The following SMG8 variants were observed in gnomAD, a reference collection of about 807,000 sequenced individuals.
The protein encoded by SMG8 is nonsense-mediated mRNA decay factor SMG8.
SMG8 carries 49 observed loss-of-function variants against 82.1 expected under a neutral mutation model. The observed-to-expected ratio is 0.60, with a 90% CI of 0.47 to 0.76. The LOEUF (loss-of-function observed/expected upper bound fraction) is 0.76. Ranked by LOEUF, SMG8 falls within the 30% of genes least tolerant of loss-of-function variation. SMG8 has a pLI of 0.00. For synonymous variants in SMG8, 404 were observed against 430.0 expected (o/e 0.94, Z 0.75); for missense variants, 969 against 1,166.4 (o/e 0.83, Z 2.46).
Position 59,214,898 on chromosome 17 carries a change from T to C in SMG8, c.2872T>C (p.Tyr958His). The change falls in exon 4 of 4, where the codon TAT becomes CAT. Residue 958 changes from tyrosine (Y) to histidine (H), a missense_variant. Physicochemically the swap from Tyr to His is moderately conservative, Grantham distance 83. Around this residue, in one of 3 missense-constraint regions of SMG8, gnomAD observed 101 missense variants for 91.1 expected, o/e 1.11. Transcript: ENST00000300917. ...PDGLWVLRFP[Y>H]AYVTERGPCF... ...TGGCCTTTGGGTTTTGAGATTTCCT[T>C]ATGCATATGTGACTGAGAGAGGACC... The C allele has an allele frequency of 2.3e-6, 2 of 872,980 alleles. No homozygotes were observed. Among genetic ancestry groups the C allele is most frequent in the East Asian group, 2.4e-5 (1 of 41,712 alleles). The allele number at this position is 872,980 out of a possible 1,614,324, so 54.1% of individuals were successfully genotyped here.
intron 3 of SMG8, 73 bp downstream of exon 3, chr17:59,213,674 G>A: frequency 6.7e-7 from 1 of 1,502,130 alleles, no homozygotes; most frequent in Non-Finnish European, 8.9e-7. Flanking sequence ...ATTTTAAAAA[G>A]TACAAGTTAG....
chr17:59,210,645 C>T lies in SMG8; in HGVS notation c.594C>T (p.Leu198=), dbSNP rs748510282. 1 of 1,613,620 alleles carries T rather than the reference C, an allele frequency of 6.2e-7. No homozygotes were observed. Among genetic ancestry groups the T allele is most frequent in the Non-Finnish European group, 8.5e-7 (1 of 1,179,800 alleles). The change falls in exon 1 of 4, where the codon CTC becomes CTT. Residue 198 remains leucine (L), a synonymous_variant. Coordinates refer to ENST00000300917, the MANE Select transcript of SMG8 (RefSeq NM_018149.7). ...AGCATCAAGAGAAGCTGCAGTGCCT[C>T]AGTCTCCTTTACCTATTCTCTGTCT... ...FWKHQEKLQC[L]SLLYLFSVCH...
chr17:59,211,036 G>A lies in SMG8; in HGVS notation c.985G>A (p.Val329Met). ...TCAGAGCATCAACTGCCTCTTTACT[G>A]TGCCTGCCAACCAAGCTTTCGTGTA... ...TNQSINCLFTVPANQAFVYIV... is the reference protein window; with the variant it reads ...TNQSINCLFTMPANQAFVYIV... The change falls in exon 1 of 4, where the codon GTG becomes ATG. Residue 329 changes from valine (V) to methionine (M), a missense_variant. Transcript: ENST00000300917. The A allele has an allele frequency of 6.2e-7, 1 of 1,614,196 alleles. No homozygotes were observed. Among genetic ancestry groups the A allele is most frequent in the Non-Finnish European group, 8.5e-7 (1 of 1,180,042 alleles).
Position 59,210,144 on chromosome 17 carries a change from A to G in SMG8, c.93A>G (p.Gly31=). The stretch of plus-strand genomic sequence containing the variant: ...CCGGAGGGTCCCCTACTGAGGGCGG[A>G]GGGAGCGCGGCTGGCGGACCGGAGC... ...ESPGGSPTEG[G]GSAAGGPEPP... is the part of the protein sequence containing the mutation. The change falls in exon 1 of 4, where the codon GGA becomes GGG. Residue 31 remains glycine (G), a synonymous_variant. Transcript: ENST00000300917. The G allele has an allele frequency of 6.3e-7, 1 of 1,588,108 alleles. No homozygotes were observed. Among genetic ancestry groups the G allele is most frequent in the Non-Finnish European group, 8.6e-7 (1 of 1,168,038 alleles).
chr17:59,212,521 C>CT (rs1292332992), intron 2 of SMG8, 35 bp downstream of exon 2: 9 of 1,578,338 alleles, frequency 5.7e-6, no homozygotes, highest in Non-Finnish European at 6.0e-6. Context: ...CCTCTTCTGT[C>CT]TTTTTTTGTT....
At chr17:59,211,892 T>A in intron 1 of SMG8, 82 bp downstream of exon 1, 1 of 1,244,688 alleles carries the variant, frequency 8.0e-7, no homozygotes, top group Non-Finnish European at 1.1e-6. Context: ...CTGTTCACTA[T>A]GTATTGATAT....
rs1398957121 is a variant in SMG8 at position 59,211,385 on chromosome 17, A to G, written c.1334A>G (p.Tyr445Cys). The G allele has an allele frequency of 6.2e-7, 1 of 1,614,230 alleles. No homozygotes were observed. Among genetic ancestry groups the G allele is most frequent in the Non-Finnish European group, 8.5e-7 (1 of 1,180,038 alleles). ...CCTTCCCATTTTGAACTTCCTACTT[A>G]TCAGAAGTGGATCTCAGCAGCTTCA... Reference protein sequence around the residue: ...PQPSHFELPTYQKWISAASKL... With the variant: ...PQPSHFELPTCQKWISAASKL... Residue 445 changes from tyrosine to cysteine, a missense_variant, in exon 1 of 4, where the codon TAT becomes TGT. Physicochemically the swap from Tyr to Cys is radical, Grantham distance 194 (BLOSUM62 -2). Coordinates refer to ENST00000300917, the MANE Select transcript of SMG8 (RefSeq NM_018149.7).
rs1203735912 is a variant in SMG8, at chr17:59,214,866, C to G, written c.2840C>G (p.Pro947Arg). Reference protein sequence around the residue: ...FYPEKQEITLPPDGLWVLRFP... With the variant: ...FYPEKQEITLRPDGLWVLRFP... The stretch of plus-strand genomic sequence containing the variant: ...CCAGAAAAACAAGAAATCACCCTTC[C>G]ACCTGATGGCCTTTGGGTTTTGAGA... Residue 947 changes from proline (P) to arginine (R), a missense_variant, in exon 4 of 4, where the codon CCA becomes CGA. By Grantham distance (103) the Pro-to-Arg change is moderately radical. Transcript: ENST00000300917. 6 of 872,988 alleles carry G rather than the reference C, an allele frequency of 6.9e-6. No homozygotes were observed. 54.1% of individuals were successfully genotyped at this position (872,988 alleles called of 1,614,324 possible). A position where few individuals can be genotyped will look rare whatever the true frequency, so the allele number is the denominator to read the frequency against.
Position 59,210,098 on chromosome 17 carries a change from C to G in SMG8, c.47C>G (p.Ala16Gly). The G allele has an allele frequency of 6.3e-7, 1 of 1,583,720 alleles. No individual in the cohort carries two copies. The highest frequency in any genetic ancestry group is 1.7e-4 in the Middle Eastern group (1 of 5,876). Reference sequence around the variant, plus strand: ...CGAGACCTTCTAATGGGAGCATCAGCCTGGATGGGCTCTGAAAGTCCCGGA... The same window carrying G: ...CGAGACCTTCTAATGGGAGCATCAGGCTGGATGGGCTCTGAAAGTCCCGGA... ...SLRDLLMGASAWMGSESPGGS... is the reference protein window; with the variant it reads ...SLRDLLMGASGWMGSESPGGS... The change falls in exon 1 of 4, where the codon GCC (alanine) becomes GGC (glycine). Residue 16 changes from alanine to glycine, a missense_variant. Physicochemically the swap from Ala to Gly is moderately conservative, Grantham distance 60 (BLOSUM62 0). This residue lies in a region of SMG8 where 206 missense variants were observed against 190.5 expected (regional missense o/e 1.08). Coordinates refer to ENST00000300917, the MANE Select transcript of SMG8 (RefSeq NM_018149.7).
chr17:59,214,789 T>G lies in SMG8; in HGVS notation c.2779-16T>G, dbSNP rs1421380867. 1 of 870,838 alleles carries G rather than the reference T, an allele frequency of 1.1e-6. No individual in the cohort carries two copies. Among genetic ancestry groups the G allele is most frequent in the East Asian group, 2.4e-5 (1 of 41,714 alleles). The allele number at this position is 870,838 out of a possible 1,614,324, so 53.9% of individuals were successfully genotyped here. ...TTGAGAAATGTGAAAATAATTATAC[T>G]ACCTGTGTTTTTCAGGTTCAGCCAG... is the stretch of plus-strand genomic sequence containing the variant. On this transcript the variant is annotated splice_polypyrimidine_tract_variant and intron_variant, in intron 3 of 3. Transcript: ENST00000300917.
chr17:59,213,523 G>A lies in SMG8; in HGVS notation c.2700G>A (p.Leu900=), dbSNP rs376781515. Residue 900 remains leucine, a synonymous_variant, in exon 3 of 4, where the codon CTG becomes CTA. Transcript: ENST00000300917. The stretch of plus-strand genomic sequence containing the variant: ...TGTCATCCTCTCAAGGTAGAGGGCT[G>A]AAACCTCATTATGCTCAACTTATGA... ...YILSSSQGRG[L]KPHYAQLMRL... 2.0e-5 allele frequency: 33 copies of A among 1,614,066 alleles called. No homozygotes were observed. In the African/African-American group the frequency reaches 2.8e-4, roughly 14 times the overall value.
rs201480049 is a variant in SMG8, at chr17:59,214,761, A to G, written c.2779-44A>G. ...TAGGCATTTATCTTTCAGTTGTTTCATATTGAGAAATGTGAAAATAATTAT... is the reference window on the plus strand; with the variant it reads ...TAGGCATTTATCTTTCAGTTGTTTCGTATTGAGAAATGTGAAAATAATTAT... On this transcript the variant is annotated intron_variant, in intron 3 of 3. Coordinates refer to ENST00000300917, the MANE Select transcript of SMG8 (RefSeq NM_018149.7). 5.8e-4 allele frequency: 500 copies of G among 860,722 alleles called. 4 individuals carry two copies. The Middle Eastern group carries it at 9.9e-3, about 17-fold the overall frequency. The allele number at this position is 860,722 out of a possible 1,614,324, so 53.3% of individuals were successfully genotyped here.
chr17:59,212,555 AT>A (rs2046950419), intron 2 of SMG8, 69 bp downstream of exon 2: 1 of 1,548,184 alleles, frequency 6.5e-7, no homozygotes, highest in African/African-American at 1.4e-5. Context: ...GTAAAAACAT[AT>A]TTTCAATAGC....
chr17:59,210,081 T>C lies in SMG8; in HGVS notation c.30T>C (p.Leu10=), dbSNP rs201888854. ...CTGGTCCCGTGAGCTTGCGAGACCT[T>C]CTAATGGGAGCATCAGCCTGGATGG... MAGPVSLRD[L]LMGASAWMGS... Residue 10 remains leucine (L), a synonymous_variant, in exon 1 of 4, where the codon CTT becomes CTC. Coordinates refer to ENST00000300917, the MANE Select transcript of SMG8 (RefSeq NM_018149.7). The C allele has an allele frequency of 1.0e-5, 16 of 1,577,190 alleles. No homozygotes were observed. In the Admixed American group the frequency reaches 2.8e-4, roughly 28 times the overall value.
rs1347019439 is a variant in SMG8 at position 59,213,269 on chromosome 17, T to C, written c.2446T>C (p.Ser816Pro). The change falls in exon 3 of 4, where the codon TCT becomes CCT. Residue 816 changes from serine to proline, a missense_variant. Coordinates refer to ENST00000300917, the MANE Select transcript of SMG8 (RefSeq NM_018149.7). ...AEDEGDLDTN[S>P]WPAPNKAIPG... is the part of the protein sequence containing the mutation. ...AGATGAAGGAGACTTAGACACAAAC[T>C]CTTGGCCTGCTCCAAATAAAGCTAT... is the stretch of plus-strand genomic sequence containing the variant. The C allele has an allele frequency of 7.4e-6, 12 of 1,614,034 alleles. No individual in the cohort carries two copies. The highest frequency in any genetic ancestry group is 8.5e-7 in the Non-Finnish European group (1 of 1,180,040).
At position 59,212,920 on chromosome 17, in the gene SMG8, G is replaced by T; in HGVS notation, c.2097G>T (p.Leu699Phe). Residue 699 changes from leucine (L) to phenylalanine (F), a missense_variant, in exon 3 of 4, where the codon TTG (leucine) becomes TTT (phenylalanine). Physicochemically the swap from Leu to Phe is conservative, Grantham distance 22 (BLOSUM62 0). Transcript: ENST00000300917. The stretch of plus-strand genomic sequence containing the variant: ...CGAGCCTGAGTTTAGCTTTGAGTTT[G>T]GGCCAATCCACAGATAGCTTAGGTA... ...ESTSLSLALS[L>F]GQSTDSLGTY... The T allele has an allele frequency of 6.2e-7, 1 of 1,614,080 alleles. No individual in the cohort carries two copies. Among genetic ancestry groups the T allele is most frequent in the Non-Finnish European group, 8.5e-7 (1 of 1,180,036 alleles).
rs1253171701 is a variant in SMG8 at position 59,211,583 on chromosome 17, A to G, written c.1532A>G (p.Tyr511Cys). Residue 511 changes from tyrosine to cysteine, a missense_variant, in exon 1 of 4, where the codon TAC (tyrosine) becomes TGC (cysteine). Tyr to Cys is a radical substitution (Grantham distance 194). This residue lies in a region of SMG8 where 662 missense variants were observed against 884.8 expected (regional missense o/e 0.75). Transcript: ENST00000300917. ...GCTTTACCCATGGCCCACAGTGCCT[A>G]CCAGTCAAATTTGCCTCATAATTAC... The part of the protein sequence containing the change: ...QKALPMAHSA[Y>C]QSNLPHNYTM... The G allele has an allele frequency of 6.2e-7, 1 of 1,614,200 alleles. No homozygotes were observed.
At position 59,213,403 on chromosome 17, in the gene SMG8, G is replaced by A; in HGVS notation, c.2580G>A (p.Met860Ile). 1 of 1,614,210 alleles carries A rather than the reference G, an allele frequency of 6.2e-7. No individual in the cohort carries two copies. The highest frequency in any genetic ancestry group is 1.3e-5 in the African/African-American group (1 of 75,060). Residue 860 changes from methionine (M) to isoleucine (I), a missense_variant, in exon 3 of 4, where the codon ATG (methionine) becomes ATA (isoleucine). By Grantham distance (10) the Met-to-Ile change is conservative. Coordinates refer to ENST00000300917, the MANE Select transcript of SMG8 (RefSeq NM_018149.7). ...AAGACTCTCGAGGTCGGAGATTCAT[G>A]TGCTCTGGGCCTGACAAAGTAATGA... ...EYEDSRGRRF[M>I]CSGPDKVMKV...
chr17:59,211,322 A>G lies in SMG8; in HGVS notation c.1271A>G (p.Lys424Arg). 6.2e-7 allele frequency: 1 copy of G among 1,614,116 alleles called. No individual in the cohort carries two copies. The highest frequency in any genetic ancestry group is 8.5e-7 in the Non-Finnish European group (1 of 1,179,998). The change falls in exon 1 of 4, where the codon AAG becomes AGG. Residue 424 changes from lysine to arginine, a missense_variant. Physicochemically the swap from Lys to Arg is conservative, Grantham distance 26 (BLOSUM62 2). Around this residue, in one of 3 missense-constraint regions of SMG8, gnomAD observed 662 missense variants for 884.8 expected, o/e 0.75. Transcript: ENST00000300917. ...LWQHVELVLSKKGFDDSVGRN... is the reference protein window; with the variant it reads ...LWQHVELVLSRKGFDDSVGRN... ...CAGCATGTGGAGCTAGTTCTAAGCA[A>G]GAAAGGTTTCGATGACAGTGTGGGC...
Sources: allele counts gnomAD v4.1 joint callset, GRCh38; gene constraint gnomAD v4.1.1; regional missense constraint gnomAD v4.1.1; transcripts MANE v1.5; gene names NCBI Gene and HGNC (gene_info 2026-07-23, HGNC 2026-07-21).